Variants in GTF2H1 observed in about 807,000 individuals in gnomAD.
GTF2H1 encodes BTF2 p62.
GTF2H1 carries 16 observed loss-of-function variants against 71.2 expected under a neutral mutation model. That is an observed-to-expected ratio of 0.22 (90% CI 0.15 to 0.34). The LOEUF (loss-of-function observed/expected upper bound fraction) is 0.34, where lower values mean the gene tolerates loss of function less well. GTF2H1 is among the 10% of genes least tolerant of loss of function. GTF2H1 has a pLI of 1.00. For missense variants in GTF2H1, 498 were observed against 648.2 expected, an observed-to-expected ratio of 0.77 and a Z score of 2.52; for synonymous variants, 215 against 219.0, an observed-to-expected ratio of 0.98 and a Z score of 0.16.
At chr11:18,343,481 C>T (rs4150615) in intron 7 of GTF2H1, among the ~76,000 whole-genome samples, 95,120 of 151,944 alleles carry the variant, frequency 0.63, 31,181 homozygotes, top group East Asian at 0.96. Context: ...CCTTCTCAAT[C>T]TTCTGGTTAT....
At chr11:18,333,305 CTTTAT>C (rs1246161931) in intron 2 of GTF2H1, 77 bp downstream of exon 2, 33 of 1,051,518 alleles carry the variant, frequency 3.1e-5, no homozygotes, top group Non-Finnish European at 3.5e-5. Context: ...TTATATAAAT[CTTTAT>C]TTTATATCAA....
At chr11:18,351,749 A>G in intron 9 of GTF2H1, 132 bp from the exon 10 acceptor site, 1 of 527,412 alleles carries the variant, frequency 1.9e-6, no homozygotes, top group Admixed American at 3.1e-5. Context: ...TAGGACAGTC[A>G]TCTCTAGGAA....
At chr11:18,348,099 A>C (rs1458223939) in intron 9 of GTF2H1, 180 bp downstream of exon 9, 4 of 615,242 alleles carry the variant, frequency 6.5e-6, no homozygotes, top group Non-Finnish European at 1.2e-5. Context: ...TTGCCAGCCA[A>C]CTTTCCATTG....
intron 14 of GTF2H1, among the ~76,000 whole-genome samples, chr11:18,361,564 G>A (rs1323714595): frequency 6.6e-6 from 1 of 152,184 alleles, no homozygotes; most frequent in Non-Finnish European, 1.5e-5. Flanking sequence ...AGCTACTCGG[G>A]AGGCTGAGAC....
At position 18,341,363 on chromosome 11, in the gene GTF2H1, C is replaced by G. The variant is rs1865151823; in HGVS notation, c.710C>G (p.Thr237Arg). Residue 237 changes from threonine to arginine, a missense_variant, in exon 6 of 15, where the codon ACA becomes AGA. Thr to Arg is a moderately conservative substitution (Grantham distance 71). Transcript: ENST00000265963. ...TATTTTCACAGGGATCGGCTGAATA[C>G]AGGGTCAAAGGATCTCTTTGCAGAA... is the stretch of plus-strand genomic sequence containing the variant. Reference protein sequence around the residue: ...SHYFHRDRLNTGSKDLFAECA... With the variant: ...SHYFHRDRLNRGSKDLFAECA... The G allele has an allele frequency of 2.5e-6, 4 of 1,613,944 alleles. No individual in the cohort carries two copies. The highest frequency in any genetic ancestry group is 3.4e-6 in the Non-Finnish European group (4 of 1,179,900).
At chr11:18,345,849 G>A (rs1865281695) in intron 7 of GTF2H1, among the ~76,000 whole-genome samples, 1 of 140,728 alleles carries the variant, frequency 7.1e-6, no homozygotes, top group Non-Finnish European at 1.5e-5. Flanking sequence ...GAGTGCAGTA[G>A]CACCATCTCG....
chr11:18,350,851 C>T (rs1865405228), intron 9 of GTF2H1, among the ~76,000 whole-genome samples: 1 of 152,072 alleles, frequency 6.6e-6, no homozygotes, highest in African/African-American at 2.4e-5. Flanking sequence ...TGTATTATTA[C>T]AAGGCTGTAA....
chr11:18,353,918 TATCTA>T (rs1865482785), intron 11 of GTF2H1, among the ~76,000 whole-genome samples: 1 of 152,266 alleles, frequency 6.6e-6, no homozygotes, highest in Non-Finnish European at 1.5e-5. Flanking sequence ...GATGATGTGT[TATCTA>T]GTCTATATAT....
intron 1 of GTF2H1, among the ~76,000 whole-genome samples, chr11:18,325,262 A>G (rs1018535224): frequency 2.0e-5 from 3 of 152,224 alleles, no homozygotes; most frequent in Non-Finnish European, 4.4e-5. Flanking sequence ...ACCAGTTCAT[A>G]TTCTTCCTTA....
In GTF2H1 at chr11:18,358,015, C is replaced by G; in HGVS notation, c.1324C>G (p.Gln442Glu). ...ACTGTCACCTGGAGGGGCACTTATG[C>G]AGGGAGGAACACAGCAAGCCATAAA... ...TALSPGGALM[Q>E]GGTQQAINQM... Residue 442 changes from glutamine (Q) to glutamate (E), a missense_variant, in exon 12 of 15, where the codon CAG (glutamine) becomes GAG (glutamate). Gln to Glu is a conservative substitution (Grantham distance 29). This residue lies in a region of GTF2H1 where 266 missense variants were observed against 301.6 expected (regional missense o/e 0.88). Transcript: ENST00000265963. The G allele has an allele frequency of 6.2e-7, 1 of 1,611,740 alleles. No individual in the cohort carries two copies. The highest frequency in any genetic ancestry group is 8.5e-7 in the Non-Finnish European group (1 of 1,177,980).
In GTF2H1 at chr11:18,339,602, A is replaced by G. The variant is rs2133965417; in HGVS notation, c.552A>G (p.Leu184=). The change falls in exon 5 of 15, where the codon CTA becomes CTG. Residue 184 remains leucine (L), a synonymous_variant. Coordinates refer to ENST00000265963, the MANE Select transcript of GTF2H1 (RefSeq NM_005316.4). ...VRPQTDGCNG[L]RYNLTSDIIE... The stretch of plus-strand genomic sequence containing the variant: ...CCCAAACTGATGGCTGTAACGGTCT[A>G]AGATATAATTTAACTTCTGATATCA... The G allele has an allele frequency of 1.9e-6, 3 of 1,613,652 alleles. No individual in the cohort carries two copies. Among genetic ancestry groups the G allele is most frequent in the Non-Finnish European group, 2.5e-6 (3 of 1,179,546 alleles).
At chr11:18,361,661 T>A (rs1450946298) in intron 14 of GTF2H1, among the ~76,000 whole-genome samples, 2 of 152,176 alleles carry the variant, frequency 1.3e-5, no homozygotes, top group Non-Finnish European at 1.5e-5. Flanking sequence ...ACAGTGAGAC[T>A]CTGTCTCAAA....
intron 1 of GTF2H1, among the ~76,000 whole-genome samples, chr11:18,330,889 A>G (rs779420016): frequency 3.9e-5 from 6 of 152,192 alleles, no homozygotes; most frequent in African/African-American, 1.4e-4. Flanking sequence ...TGTTCTCGGG[A>G]TAGAATAGCC....
chr11:18,365,142 C>CT (rs1355130192), intron 14 of GTF2H1, among the ~76,000 whole-genome samples: 1 of 151,132 alleles, frequency 6.6e-6, no homozygotes, highest in African/African-American at 2.4e-5. Context: ...CTTTGGGAGG[C>CT]TGAGGTGGGT....
At chr11:18,353,001 G>A (rs983239018) in intron 11 of GTF2H1, among the ~76,000 whole-genome samples, 1 of 152,218 alleles carries the variant, frequency 6.6e-6, no homozygotes, top group African/African-American at 2.4e-5. Context: ...CGAGGTGGGT[G>A]GATCACGTGA....
intron 11 of GTF2H1, 69 bp from the exon 12 acceptor site, chr11:18,357,878 AATGTT>A (rs1865595962): frequency 1.2e-6 from 1 of 836,164 alleles, no homozygotes; most frequent in Admixed American, 2.0e-5. Context: ...CTAAAACTAA[AATGTT>A]AAGAAAGAGA....
chr11:18,325,129 CAGA>C (rs1864731245), intron 1 of GTF2H1, among the ~76,000 whole-genome samples: 2 of 152,346 alleles, frequency 1.3e-5, no homozygotes, highest in Admixed American at 1.3e-4. Flanking sequence ...ATCCTTCTTT[CAGA>C]AGATTTCTCT....
chr11:18,356,796 T>G (rs866173543), intron 11 of GTF2H1, among the ~76,000 whole-genome samples: 3,811 of 150,646 alleles, frequency 0.025, 151 homozygotes, highest in South Asian at 0.085. Flanking sequence ...TGTTTTTTTT[T>G]TTTTTTTTTT....
chr11:18,349,867 C>T (rs999846174), intron 9 of GTF2H1, among the ~76,000 whole-genome samples: 2 of 151,986 alleles, frequency 1.3e-5, no homozygotes, highest in Non-Finnish European at 2.9e-5. Flanking sequence ...AAATGTGTTC[C>T]GAACACTTAG....
Sources: gnomAD v4.1 joint callset for allele counts (sites outside exome capture counted in the v4.1 genomes callset) on GRCh38, gnomAD v4.1.1 for gene constraint, gnomAD v4.1.1 regional missense constraint, MANE v1.5 for transcripts, NCBI Gene and HGNC (gene_info 2026-07-23, HGNC 2026-07-21) for gene names.